The following RAPGEF2 variants were observed in gnomAD, a reference collection of about 807,000 sequenced individuals.
RAPGEF2 encodes Rap guanine nucleotide exchange factor 2, also known as PDZ domain containing guanine nucleotide exchange factor (GEF) 1.
Under a neutral mutation model 186.7 loss-of-function variants are expected in RAPGEF2, and 54 were observed. The observed-to-expected ratio is 0.29, with a 90% confidence interval of 0.23 to 0.36. RAPGEF2 has a LOEUF of 0.36. Ranked by LOEUF, RAPGEF2 falls within the 10% of genes least tolerant of loss-of-function variation. The pLI is 1.00. For missense variants in RAPGEF2, 1,532 were observed against 2,045.0 expected (o/e 0.75, Z 4.84); for synonymous variants, 712 against 705.9 (o/e 1.01, Z -0.14).
intron 1 of RAPGEF2, among the ~76,000 whole-genome samples, chr4:159,129,994 A>G (rs914491602): frequency 1.3e-5 from 2 of 152,294 alleles, no homozygotes; most frequent in Middle Eastern, 3.4e-3. Context: ...TTTCCTGGAA[A>G]GGGGTGGGGA....
intron 4 of RAPGEF2, among the ~76,000 whole-genome samples, chr4:159,215,935 C>T (rs1750957443): frequency 6.6e-6 from 1 of 152,092 alleles, no homozygotes; most frequent in Admixed American, 6.5e-5. Flanking sequence ...TCTGAAATAC[C>T]AGGTTATTTG....
chr4:159,116,217 A>G (rs1235560028), intron 1 of RAPGEF2, among the ~76,000 whole-genome samples: 1 of 152,184 alleles, frequency 6.6e-6, no homozygotes, highest in Non-Finnish European at 1.5e-5. Context: ...CACAATCTAC[A>G]AGGAACATAA....
At chr4:159,233,915 G>T (rs1201008933) in intron 4 of RAPGEF2, among the ~76,000 whole-genome samples, 1 of 150,448 alleles carries the variant, frequency 6.6e-6, no homozygotes, top group African/African-American at 2.4e-5. Flanking sequence ...GATTACTGTA[G>T]CTTTGTAGTA....
At chr4:159,168,210 A>G (rs1745531407) in intron 1 of RAPGEF2, among the ~76,000 whole-genome samples, 1 of 152,188 alleles carries the variant, frequency 6.6e-6, no homozygotes, top group Non-Finnish European at 1.5e-5. Flanking sequence ...GAACTTAAAT[A>G]TATTCAACCC....
chr4:159,230,897 T>C (rs1367214121), intron 4 of RAPGEF2, among the ~76,000 whole-genome samples: 1 of 152,170 alleles, frequency 6.6e-6, no homozygotes, highest in Non-Finnish European at 1.5e-5. Context: ...AAACGCTGTA[T>C]TGATTACTGA....
intron 7 of RAPGEF2, among the ~76,000 whole-genome samples, chr4:159,299,614 G>A (rs1762416891): frequency 6.6e-6 from 1 of 151,786 alleles, no homozygotes. Context: ...CCAATTTTAG[G>A]TATTTTACCA....
chr4:159,285,135 T>C (rs1323650944), intron 7 of RAPGEF2, among the ~76,000 whole-genome samples: 1 of 152,184 alleles, frequency 6.6e-6, no homozygotes, highest in Admixed American at 6.5e-5. Context: ...CCATAGTTGG[T>C]AGAATACATT....
chr4:159,325,235 C>T (rs543287310), intron 11 of RAPGEF2, among the ~76,000 whole-genome samples: 21 of 151,526 alleles, frequency 1.4e-4, no homozygotes, highest in Admixed American at 1.1e-3. Context: ...ATGCCAGAAA[C>T]GCATTCTAAA....
At chr4:159,144,558 T>TATTTATTTTTA (rs1742698907) in intron 1 of RAPGEF2, among the ~76,000 whole-genome samples, 3 of 152,346 alleles carry the variant, frequency 2.0e-5, no homozygotes, top group South Asian at 4.1e-4. Context: ...CAGTTCAGTT[T>TATTTATTTTTA]ATTTATTTTT....
intron 7 of RAPGEF2, among the ~76,000 whole-genome samples, chr4:159,266,437 A>C (rs1579677163): frequency 6.6e-6 from 1 of 152,234 alleles, no homozygotes; most frequent in African/African-American, 2.4e-5. Context: ...GTGTTTCAGA[A>C]TTAAAATGTC....
At chr4:159,190,290 T>C (rs1345800419) in intron 2 of RAPGEF2, among the ~76,000 whole-genome samples, 1 of 152,204 alleles carries the variant, frequency 6.6e-6, no homozygotes, top group East Asian at 1.9e-4. Flanking sequence ...TGGAAAGATC[T>C]CTGGAAGCTT....
At chr4:159,108,845 T>C (rs929971707) in intron 1 of RAPGEF2, among the ~76,000 whole-genome samples, 2 of 151,944 alleles carry the variant, frequency 1.3e-5, no homozygotes, top group African/African-American at 2.4e-5. Context: ...CAGCCTCGAG[T>C]AACTGGGTCT....
At chr4:159,167,952 A>C (rs187203071) in intron 1 of RAPGEF2, among the ~76,000 whole-genome samples, 1 of 152,368 alleles carries the variant, frequency 6.6e-6, no homozygotes, top group East Asian at 1.9e-4. Flanking sequence ...TATTACAGTA[A>C]AAATTAGGAT....
chr4:159,295,740 TGTGTGTGTGTGTGTGCGCGCGCGC>T (rs1365177514), intron 7 of RAPGEF2, among the ~76,000 whole-genome samples: 19 of 134,318 alleles, frequency 1.4e-4, no homozygotes, highest in African/African-American at 4.0e-4. Context: ...TGTGTGTGTG[TGTGTGTGTGTGTGTGCGCGCGCGC>T]GCGCGCGCGC....
intron 11 of RAPGEF2, chr4:159,327,200 C>T (rs998868723): frequency 6.6e-6 from 1 of 152,080 alleles, no homozygotes; most frequent in African/African-American, 2.4e-5. Context: ...TAATGTCATG[C>T]CCAAAGGAAA....
rs954857725 is a variant in RAPGEF2 at position 159,343,496 on chromosome 4, T to C, written c.3254+92T>C. The C allele has an allele frequency of 3.6e-5, 55 of 1,519,328 alleles. No individual in the cohort carries two copies. The Admixed American group carries it at 8.5e-4, about 23-fold the overall frequency. The allele number at this position is 1,519,328 out of a possible 1,614,324, so 94.1% of individuals were successfully genotyped here. On this transcript the variant is annotated intron_variant, in intron 22 of 29. Coordinates refer to ENST00000691494, the MANE Select transcript of RAPGEF2 (RefSeq NM_001394067.2). ...ATGATTTTTTTAAAGTTTGAGTATT[T>C]ATATTTGTAGTACGGCAGAAATTAT...
rs149412213 is a variant in RAPGEF2, at chr4:159,118,397, C to T, written c.69+14166C>T. On this transcript the variant is annotated intron_variant, in intron 1 of 29. Transcript: ENST00000691494. ...CAGGGCTCGTGCTGATTCTACATTA[C>T]GGTGAGTTGTATAATTATTTCATTA... 8.6e-3 allele frequency among the ~76,000 whole-genome samples: 1,309 copies of T among 152,162 alleles called. 24 individuals are homozygous for T. The highest frequency in any genetic ancestry group is 0.03 in the African/African-American group (1,237 of 41,498).
At chr4:159,220,149 G>T (rs901322529) in intron 4 of RAPGEF2, among the ~76,000 whole-genome samples, 2 of 152,176 alleles carry the variant, frequency 1.3e-5, no homozygotes, top group African/African-American at 4.8e-5. Flanking sequence ...AGAAGAATTG[G>T]TGAAACAGAA....
At chr4:159,251,856 G>A (rs746089870) in intron 7 of RAPGEF2, among the ~76,000 whole-genome samples, 1 of 151,654 alleles carries the variant, frequency 6.6e-6, no homozygotes, top group Non-Finnish European at 1.5e-5. Flanking sequence ...GTTTGCCGCC[G>A]CGATCTGCTT....
Sources: allele counts gnomAD v4.1 joint callset (sites outside exome capture counted in the v4.1 genomes callset), GRCh38; gene constraint gnomAD v4.1.1; transcripts MANE v1.5; gene names NCBI Gene and HGNC (gene_info 2026-07-23, HGNC 2026-07-21).